The following G3BP1 variants were observed in gnomAD, a reference collection of about 807,000 sequenced individuals.
The protein encoded by G3BP1 is G3BP stress granule assembly factor 1, also known as ras GTPase-activating protein-binding protein 1.
A neutral mutation model predicts 58.6 loss-of-function variants in G3BP1; 35 were observed. The ratio of observed to expected loss-of-function variants is 0.60; its 90% CI spans 0.46 to 0.79. The LOEUF (loss-of-function observed/expected upper bound fraction) is 0.79, where lower values mean the gene tolerates loss of function less well. G3BP1 is among the 30% of genes least tolerant of loss of function. G3BP1 has a pLI of 0.00. For synonymous variants in G3BP1, 191 were observed against 195.4 expected, an observed-to-expected ratio of 0.98 and a Z score of 0.19; for missense variants, 523 against 580.8, an observed-to-expected ratio of 0.90 and a Z score of 1.02.
chr5:151,804,325 C>A lies in G3BP1; in HGVS notation c.*234C>A. On this transcript the variant is annotated 3_prime_UTR_variant, in exon 12 of 12. Transcript: ENST00000356245. ...GGAATGATATTTTAGGAATAACGGA[C>A]TTTTAAAGAAGCAAAAAAAAAGACT... 5.6e-6 allele frequency: 2 copies of A among 360,262 alleles called. No individual in the cohort carries two copies. Among genetic ancestry groups the A allele is most frequent in the Non-Finnish European group, 4.9e-6 (1 of 203,680 alleles). The allele number at this position is 360,262 out of a possible 1,614,324, so 22.3% of individuals were successfully genotyped here.
In G3BP1 at chr5:151,805,459, G is replaced by A. The variant is rs1018616504; in HGVS notation, c.*1368G>A. 1 of 152,374 alleles carries A rather than the reference G, an allele frequency of 6.6e-6. No homozygotes were observed. Among genetic ancestry groups the A allele is most frequent in the Non-Finnish European group, 1.5e-5 (1 of 68,032 alleles). 9.4% of individuals were successfully genotyped at this position (152,374 alleles called of 1,614,324 possible). A position where few individuals can be genotyped will look rare whatever the true frequency, so the allele number is the denominator to read the frequency against. On this transcript the variant is annotated 3_prime_UTR_variant, in exon 12 of 12. Transcript: ENST00000356245. ...TTACACGTGTGAAACAAACTTTTGTGTGATTGTCATTACTAATTGAAGGGC... is the reference window on the plus strand; with the variant it reads ...TTACACGTGTGAAACAAACTTTTGTATGATTGTCATTACTAATTGAAGGGC...
chr5:151,781,130 T>C (rs1401990399), intron 1 of G3BP1, among the ~76,000 whole-genome samples: 1 of 152,144 alleles, frequency 6.6e-6, no homozygotes, highest in Non-Finnish European at 1.5e-5. Flanking sequence ...ATGCATAAAA[T>C]ATATGTGGAT....
At chr5:151,793,624 A>G (rs546494254) in intron 4 of G3BP1, among the ~76,000 whole-genome samples, 2 of 151,944 alleles carry the variant, frequency 1.3e-5, no homozygotes, top group Non-Finnish European at 2.9e-5. Flanking sequence ...TTGTTGTGGG[A>G]GCCTGTCCTG....
intron 6 of G3BP1, among the ~76,000 whole-genome samples, chr5:151,796,896 G>A (rs534053528): frequency 3.5e-4 from 16 of 46,180 alleles, no homozygotes; most frequent in Non-Finnish European, 7.5e-4. Flanking sequence ...CGCCCCCCCC[G>A]CCCCAGCCTA....
rs886431838 is a variant in G3BP1 at position 151,809,824 on chromosome 5, A to G, written c.*5733A>G. ...TCACCCAGTTGCTTCTGTAGTTTTC[A>G]TACCCCTGTTTTCTCAATTTTCTTA... is the stretch of plus-strand genomic sequence containing the variant. On this transcript the variant is annotated 3_prime_UTR_variant, in exon 12 of 12. Coordinates refer to ENST00000356245, the MANE Select transcript of G3BP1 (RefSeq NM_005754.3). The G allele has an allele frequency of 6.6e-6, 1 of 152,162 alleles. No homozygotes were observed. Among genetic ancestry groups the G allele is most frequent in the Non-Finnish European group, 1.5e-5 (1 of 68,036 alleles). 9.4% of individuals were successfully genotyped at this position (152,162 alleles called of 1,614,324 possible). A position where few individuals can be genotyped will look rare whatever the true frequency, so the allele number is the denominator to read the frequency against.
rs1283914047 is a variant in G3BP1 at position 151,786,152 on chromosome 5, G to T, written c.-49-420G>T. 2.6e-5 allele frequency among the ~76,000 whole-genome samples: 4 copies of T among 152,208 alleles called. No individual in the cohort carries two copies. In the East Asian group the frequency reaches 7.7e-4, roughly 29 times the overall value. ...AAAAATACAAAAATTAGCCGGGCAT[G>T]ATGGCGCTTGCCAGTAGTCCCAGCT... is the stretch of plus-strand genomic sequence containing the variant. On this transcript the variant is annotated intron_variant, in intron 1 of 11. Coordinates refer to ENST00000356245, the MANE Select transcript of G3BP1 (RefSeq NM_005754.3).
rs1581585929 is a variant in G3BP1 at position 151,805,256 on chromosome 5, T to C, written c.*1165T>C. On this transcript the variant is annotated 3_prime_UTR_variant, in exon 12 of 12. Transcript: ENST00000356245. ...TTAAAATCATAGCCATATGGTAAAT[T>C]TTCTATTTTGTTATGGTTCTCTTTT... 6.6e-6 allele frequency: 1 copy of C among 152,566 alleles called. No individual in the cohort carries two copies. The highest frequency in any genetic ancestry group is 1.5e-5 in the Non-Finnish European group (1 of 68,024). 9.5% of individuals were successfully genotyped at this position (152,566 alleles called of 1,614,324 possible). A position where few individuals can be genotyped will look rare whatever the true frequency, so the allele number is the denominator to read the frequency against.
At chr5:151,797,758 T>G (rs921909959) in intron 7 of G3BP1, among the ~76,000 whole-genome samples, 1 of 152,250 alleles carries the variant, frequency 6.6e-6, no homozygotes, top group Non-Finnish European at 1.5e-5. Flanking sequence ...ATTACATACT[T>G]GTTACTACAA....
intron 1 of G3BP1, among the ~76,000 whole-genome samples, chr5:151,774,342 G>A (rs76253764): frequency 6.6e-6 from 1 of 151,534 alleles, no homozygotes; most frequent in Admixed American, 6.6e-5. Flanking sequence ...TGTAACTTAT[G>A]GTTTTTTTTT....
chr5:151,781,748 T>A (rs1762474944), intron 1 of G3BP1, among the ~76,000 whole-genome samples: 1 of 152,230 alleles, frequency 6.6e-6, no homozygotes. Context: ...TTGCAAATGA[T>A]TTTCTTATTT....
intron 1 of G3BP1, among the ~76,000 whole-genome samples, chr5:151,785,672 A>G (rs896889602): frequency 2.6e-5 from 4 of 152,212 alleles, no homozygotes; most frequent in African/African-American, 9.6e-5. Flanking sequence ...CAAAGGTGTT[A>G]ATTTTACATG....
chr5:151,788,570 A>ATGTG (rs201430384), intron 2 of G3BP1, among the ~76,000 whole-genome samples: 9,106 of 92,542 alleles, frequency 0.098, 475 homozygotes, highest in South Asian at 0.16. Flanking sequence ...AGCTAAGTTT[A>ATGTG]TATGTGTGTG....
rs559986463 is a variant in G3BP1, at chr5:151,806,264, A to T, written c.*2173A>T. 2 of 152,360 alleles carry T rather than the reference A, an allele frequency of 1.3e-5. No individual in the cohort carries two copies. Among genetic ancestry groups the T allele is most frequent in the African/African-American group, 4.8e-5 (2 of 41,590 alleles). The allele number at this position is 152,360 out of a possible 1,614,324, so 9.4% of individuals were successfully genotyped here. Reference sequence around the variant, plus strand: ...GATAAATAACAAACTAGGAAATGGAAATCTGTTTCAAGAATTGCAGTAACA... The same window carrying T: ...GATAAATAACAAACTAGGAAATGGATATCTGTTTCAAGAATTGCAGTAACA... On this transcript the variant is annotated 3_prime_UTR_variant, in exon 12 of 12. Coordinates refer to ENST00000356245, the MANE Select transcript of G3BP1 (RefSeq NM_005754.3).
Position 151,794,303 on chromosome 5 carries a change from G to A in G3BP1, c.442+54G>A, listed in dbSNP as rs374449302. 3.8e-5 allele frequency: 36 copies of A among 949,210 alleles called. 1 individual carries two copies. Among genetic ancestry groups the A allele is most frequent in the Middle Eastern group, 2.3e-4 (1 of 4,362 alleles). 58.8% of individuals were successfully genotyped at this position (949,210 alleles called of 1,614,324 possible). On this transcript the variant is annotated intron_variant, in intron 5 of 11. Coordinates refer to ENST00000356245, the MANE Select transcript of G3BP1 (RefSeq NM_005754.3). ...GTCTAAATTTTTTTTAATGGCATCC[G>A]ATTGCCCTTAAGAGACTATGGGTTT...
chr5:151,795,785 T>TG (rs1409427125), intron 6 of G3BP1, among the ~76,000 whole-genome samples: 2 of 152,236 alleles, frequency 1.3e-5, no homozygotes, highest in Non-Finnish European at 1.5e-5. Context: ...AATCTACTAT[T>TG]GCTTAGTTTA....
chr5:151,798,500 A>T (rs1343062659), intron 7 of G3BP1, among the ~76,000 whole-genome samples: 1 of 152,228 alleles, frequency 6.6e-6, no homozygotes, highest in Non-Finnish European at 1.5e-5. Context: ...TAGGTAGAAT[A>T]ACAGGTTCTG....
At chr5:151,785,687 C>T (rs1762544240) in intron 1 of G3BP1, among the ~76,000 whole-genome samples, 1 of 152,156 alleles carries the variant, frequency 6.6e-6, no homozygotes. Context: ...TACATGATCA[C>T]AATTTTGATA....
At chr5:151,777,072 A>C (rs538793034) in intron 1 of G3BP1, among the ~76,000 whole-genome samples, 1 of 152,266 alleles carries the variant, frequency 6.6e-6, no homozygotes, top group Non-Finnish European at 1.5e-5. Flanking sequence ...AAGAATTGTG[A>C]AGGGAGGTGA....
intron 1 of G3BP1, among the ~76,000 whole-genome samples, chr5:151,786,334 A>G (rs192920888): frequency 1.2e-4 from 18 of 152,214 alleles, no homozygotes; most frequent in Non-Finnish European, 1.9e-4. Flanking sequence ...GGAAATATAT[A>G]CCTTTGAGGT....
Sources: allele counts gnomAD v4.1 joint callset (sites outside exome capture counted in the v4.1 genomes callset), GRCh38; gene constraint gnomAD v4.1.1; transcripts MANE v1.5; gene names NCBI Gene and HGNC (gene_info 2026-07-23, HGNC 2026-07-21).